NCOA6: variants seen among roughly 807,000 people sequenced by gnomAD.
NCOA6 encodes the protein NRC RAP250.
Under a neutral mutation model 171.4 loss-of-function variants are expected in NCOA6, and 49 were observed. That is an observed-to-expected ratio of 0.29 (90% CI 0.23 to 0.36). The LOEUF is 0.36. Ranked by LOEUF, NCOA6 falls within the 10% of genes least tolerant of loss-of-function variation. The probability of loss-of-function intolerance (pLI) is 1.00; values close to 1 mark genes in which losing one functional copy is unlikely to be tolerated. For missense variants in NCOA6, 2,248 were observed against 2,554.5 expected, an observed-to-expected ratio of 0.88 and a Z score of 2.59; for synonymous variants, 910 against 927.5, an observed-to-expected ratio of 0.98 and a Z score of 0.34.
intron 1 of NCOA6, chr20:34,819,454 G>A (rs1454075444): frequency 6.6e-6 from 1 of 152,116 alleles, no homozygotes; most frequent in African/African-American, 2.4e-5. Flanking sequence ...TACTTATACA[G>A]GTCAAATCCA....
intron 5 of NCOA6, among the ~76,000 whole-genome samples, chr20:34,765,238 G>C (rs1272039761): frequency 6.6e-6 from 1 of 151,786 alleles, no homozygotes; most frequent in Non-Finnish European, 1.5e-5. Context: ...GGATCACAAG[G>C]TCAGGAGATC....
intron 11 of NCOA6, 82 bp downstream of exon 11, chr20:34,740,280 TA>T: frequency 6.7e-7 from 1 of 1,497,524 alleles, no homozygotes; most frequent in Non-Finnish European, 9.0e-7. Flanking sequence ...TTCCTCCAAG[TA>T]AAAAAGGAGT....
intron 2 of NCOA6, among the ~76,000 whole-genome samples, chr20:34,786,981 A>G (rs983160709): frequency 1.3e-5 from 2 of 152,160 alleles, no homozygotes; most frequent in Non-Finnish European, 2.9e-5. Context: ...GGATCTAATT[A>G]AAATAAAGAG....
At chr20:34,736,832 A>G in intron 11 of NCOA6, 74 bp from the exon 12 acceptor site, 1 of 1,307,874 alleles carries the variant, frequency 7.6e-7, no homozygotes, top group Non-Finnish European at 1.1e-6. Context: ...AACCTAATCA[A>G]GGGCTAAGTA....
chr20:34,749,131 C>CGTTA (rs1473216201), intron 9 of NCOA6, among the ~76,000 whole-genome samples: 2 of 152,134 alleles, frequency 1.3e-5, no homozygotes, highest in Non-Finnish European at 2.9e-5. Flanking sequence ...TCTAGGTGTG[C>CGTTA]TAACAATATT....
At chr20:34,754,380 C>T (rs1315139403) in intron 8 of NCOA6, among the ~76,000 whole-genome samples, 5 of 152,174 alleles carry the variant, frequency 3.3e-5, no homozygotes, top group African/African-American at 9.7e-5. Context: ...TCTATGGCTA[C>T]TTTCTGTGCT....
At chr20:34,740,279 G>A (rs1176302538) in intron 11 of NCOA6, 84 bp downstream of exon 11, 3 of 1,493,788 alleles carry the variant, frequency 2.0e-6, no homozygotes, top group Non-Finnish European at 2.7e-6. Flanking sequence ...TTTCCTCCAA[G>A]TAAAAAAGGA....
Position 34,743,094 on chromosome 20 carries a change from G to A in NCOA6, c.3162C>T (p.Val1054=). The change falls in exon 11 of 15, where the codon GTC becomes GTT. Residue 1054 remains valine, a synonymous_variant. Transcript: ENST00000359003. ...GGTTCAGGGGGCCCCTTGGAGGATG[G>A]ACATTTTGAGAGACTGGAAGCCTAA... ...KSVRLPVSQN[V]HPPRGPLNPD... 4.3e-6 allele frequency: 7 copies of A among 1,613,352 alleles called. No homozygotes were observed. The highest frequency in any genetic ancestry group is 5.9e-6 in the Non-Finnish European group (7 of 1,179,456).
intron 5 of NCOA6, among the ~76,000 whole-genome samples, chr20:34,768,099 C>G (rs2077034772): frequency 6.6e-6 from 1 of 152,166 alleles, no homozygotes; most frequent in Admixed American, 6.5e-5. Flanking sequence ...TATTCTCTGC[C>G]TCAGAGAAAG....
intron 1 of NCOA6, among the ~76,000 whole-genome samples, chr20:34,810,550 C>CT (rs1201000875): frequency 0.02 from 2,883 of 143,360 alleles, 45 homozygotes; most frequent in African/African-American, 0.04. Flanking sequence ...CATTTTTTTT[C>CT]TTTTTTTTTT....
chr20:34,780,477 G>A lies in NCOA6; in HGVS notation c.235+1644C>T, dbSNP rs767362502. On this transcript the variant is annotated intron_variant, in intron 3 of 14. Transcript: ENST00000359003. ...GGTTCAAGCAATGCCTCAGCCACCC[G>A]AGTAGCTGGGATTACAGGCACCTGC... Among the ~76,000 whole-genome samples the A allele has an allele frequency of 3.4e-4, 52 of 151,810 alleles. 1 individual carries two copies. Among genetic ancestry groups the A allele is most frequent in the Non-Finnish European group, 1.5e-4 (10 of 67,932 alleles).
chr20:34,738,839 A>C (rs541325210), intron 11 of NCOA6: 2 of 455,372 alleles, frequency 4.4e-6, no homozygotes, highest in East Asian at 1.4e-4. Flanking sequence ...AGTGGGCTAG[A>C]ATTTGAACTC....
In NCOA6 at chr20:34,758,030, G is replaced by A; in HGVS notation, c.718C>T (p.His240Tyr). 2 of 1,614,200 alleles carry A rather than the reference G, an allele frequency of 1.2e-6. No individual in the cohort carries two copies. The highest frequency in any genetic ancestry group is 1.7e-6 in the Non-Finnish European group (2 of 1,180,034). ...SHPSGSLAPP[H>Y]HPMQPVSVNR... ...ACAGAGACAGGCTGCATTGGGTGAT[G>A]TGGGGGAGCTAAAGATCCTGAGGGA... Residue 240 changes from histidine to tyrosine, a missense_variant, in exon 7 of 15, where the codon CAT becomes TAT. By Grantham distance (83) the His-to-Tyr change is moderately conservative. Transcript: ENST00000359003.
chr20:34,808,566 G>A (rs1178452811), intron 1 of NCOA6, among the ~76,000 whole-genome samples: 1 of 151,648 alleles, frequency 6.6e-6, no homozygotes, highest in Non-Finnish European at 1.5e-5. Flanking sequence ...AGCCTCCCGA[G>A]TATCTGGGAG....
intron 2 of NCOA6, among the ~76,000 whole-genome samples, chr20:34,791,336 T>C (rs902801971): frequency 2.0e-5 from 3 of 152,248 alleles, no homozygotes; most frequent in Non-Finnish European, 4.4e-5. Context: ...AAATGTCAAT[T>C]GTGCACCCAT....
At chr20:34,803,632 A>G (rs1381259165) in intron 1 of NCOA6, among the ~76,000 whole-genome samples, 1 of 152,220 alleles carries the variant, frequency 6.6e-6, no homozygotes, top group Non-Finnish European at 1.5e-5. Context: ...CATCTTAACC[A>G]TAAGCTTAAC....
chr20:34,758,703 G>A (rs2076726185), intron 6 of NCOA6, 102 bp downstream of exon 6: 3 of 1,442,642 alleles, frequency 2.1e-6, no homozygotes, highest in Non-Finnish European at 2.8e-6. Flanking sequence ...TTGACATTGT[G>A]AGTTTGGAAA....
intron 8 of NCOA6, among the ~76,000 whole-genome samples, chr20:34,752,252 C>G (rs1243612092): frequency 6.6e-6 from 1 of 152,208 alleles, no homozygotes; most frequent in Non-Finnish European, 1.5e-5. Context: ...GGCAAACTAC[C>G]TTGTTCACAC....
rs1401895111 is a variant in NCOA6, at chr20:34,746,906, C to G, written c.2815G>C (p.Gly939Arg). Residue 939 changes from glycine (G) to arginine (R), a missense_variant, in exon 10 of 15, where the codon GGT becomes CGT. Transcript: ENST00000359003. Reference protein sequence around the residue: ...DLNTPDTRPAGLEEADQPPLP... With the variant: ...DLNTPDTRPARLEEADQPPLP... The stretch of plus-strand genomic sequence containing the variant: ...GGTGGCTGATCAGCCTCTTCCAGAC[C>G]AGCTGGGCGAGTATCTGGGGTGCTA... 5 of 1,569,984 alleles carry G rather than the reference C, an allele frequency of 3.2e-6. No homozygotes were observed. The African/African-American group carries it at 7.1e-5, about 22-fold the overall frequency.
Sources: allele counts gnomAD v4.1 joint callset (sites outside exome capture counted in the v4.1 genomes callset), GRCh38; gene constraint gnomAD v4.1.1; transcripts MANE v1.5; gene names NCBI Gene and HGNC (gene_info 2026-07-23, HGNC 2026-07-21).